BRINP3: variants seen among roughly 807,000 people sequenced by gnomAD.
The protein encoded by BRINP3 is BMP/retinoic acid inducible neural specific 3.
In BRINP3, 19 loss-of-function variants were observed where a neutral mutation model predicts 71.0. The observed-to-expected ratio is 0.27, with a 90% CI of 0.19 to 0.39. The LOEUF is 0.39. BRINP3 is among the 10% of genes least tolerant of loss of function. The pLI, the probability that BRINP3 is intolerant of heterozygous loss-of-function variation, is 1.00. For missense variants in BRINP3, 959 were observed against 940.8 expected, an observed-to-expected ratio of 1.02 and a Z score of -0.25; for synonymous variants, 380 against 337.7, an observed-to-expected ratio of 1.13 and a Z score of -1.37.
chr1:190,254,843 C>T (rs1660500210), intron 4 of BRINP3, among the ~76,000 whole-genome samples: 1 of 152,162 alleles, frequency 6.6e-6, no homozygotes, highest in African/African-American at 2.4e-5. Context: ...GCATCTCTGT[C>T]TTGTGCCTGT....
intron 2 of BRINP3, among the ~76,000 whole-genome samples, chr1:190,330,184 C>G (rs1666873225): frequency 6.6e-6 from 1 of 151,764 alleles, no homozygotes; most frequent in Non-Finnish European, 1.5e-5. Flanking sequence ...AAACGATCAA[C>G]AGAATAAATA....
Position 190,226,246 on chromosome 1 carries a change from T to G in BRINP3, c.797A>C (p.Asn266Thr), listed in dbSNP as rs761406886. 1 of 1,612,450 alleles carries G rather than the reference T, an allele frequency of 6.2e-7. No individual in the cohort carries two copies. ...CTTGCAGATAAACTCTCCCTCTGAA[T>G]TGCAAGCAATGTAGCTCAAAGCTGC... ...VQAALSYIACNSEGEFICKEN... is the reference protein window; with the variant it reads ...VQAALSYIACTSEGEFICKEN... The change falls in exon 6 of 8, where the codon AAT becomes ACT. Residue 266 changes from asparagine (N) to threonine (T), a missense_variant. By Grantham distance (65) the Asn-to-Thr change is moderately conservative. Coordinates refer to ENST00000367462, the MANE Select transcript of BRINP3 (RefSeq NM_199051.3).
At chr1:190,329,226 C>G (rs924203030) in intron 2 of BRINP3, among the ~76,000 whole-genome samples, 5 of 151,940 alleles carry the variant, frequency 3.3e-5, no homozygotes, top group African/African-American at 1.2e-4. Context: ...GAAAAGAAGT[C>G]AAACTACCTC....
intron 7 of BRINP3, among the ~76,000 whole-genome samples, chr1:190,143,875 G>A (rs1655661902): frequency 1.3e-5 from 2 of 152,108 alleles, no homozygotes; most frequent in Admixed American, 6.6e-5. Context: ...TTGGTAATCT[G>A]AAAGTTATGA....
rs941510603 is a variant in BRINP3, at chr1:190,357,473, T to A, written c.237-75723A>T. On this transcript the variant is annotated intron_variant, in intron 2 of 7. Coordinates refer to ENST00000367462, the MANE Select transcript of BRINP3 (RefSeq NM_199051.3). ...ACAGTTTGGGTGCTGAATTTATGGC[T>A]TTGGTATACTGCCGAATCTGTAGTC... is the stretch of plus-strand genomic sequence containing the variant. Among the ~76,000 whole-genome samples, 3 of 151,988 alleles carry A rather than the reference T, an allele frequency of 2.0e-5. 1 individual carries two copies. The highest frequency in any genetic ancestry group is 1.5e-5 in the Non-Finnish European group (1 of 68,004).
At chr1:190,160,481 C>T (rs1446572829) in intron 7 of BRINP3, among the ~76,000 whole-genome samples, 187 bp downstream of exon 7, 2 of 151,894 alleles carry the variant, frequency 1.3e-5, no homozygotes, top group Admixed American at 6.6e-5. Flanking sequence ...ATATTTTTCT[C>T]ATTGTACTAT....
intron 2 of BRINP3, among the ~76,000 whole-genome samples, chr1:190,371,621 G>T (rs192727863): frequency 1.3e-5 from 2 of 152,164 alleles, no homozygotes; most frequent in East Asian, 1.9e-4. Context: ...GGCTACAGGG[G>T]TATTCTTTTT....
At chr1:190,128,165 C>T (rs537426301) in intron 7 of BRINP3, among the ~76,000 whole-genome samples, 36 of 151,854 alleles carry the variant, frequency 2.4e-4, no homozygotes, top group Non-Finnish European at 4.4e-4. Context: ...TAAGTTACTT[C>T]TTTGAACTTC....
intron 7 of BRINP3, among the ~76,000 whole-genome samples, chr1:190,113,010 T>C (rs562621175): frequency 6.6e-6 from 1 of 152,234 alleles, no homozygotes; most frequent in South Asian, 2.1e-4. Flanking sequence ...GGTGAATGTA[T>C]AGTATGGATG....
intron 2 of BRINP3, among the ~76,000 whole-genome samples, chr1:190,282,129 T>C (rs950291347): frequency 2.0e-5 from 3 of 151,978 alleles, no homozygotes; most frequent in African/African-American, 7.2e-5. Context: ...GAATGATTTA[T>C]ATTCATCACC....
At chr1:190,331,473 T>A (rs537668166) in intron 2 of BRINP3, among the ~76,000 whole-genome samples, 1 of 152,162 alleles carries the variant, frequency 6.6e-6, no homozygotes, top group African/African-American at 2.4e-5. Flanking sequence ...TCATGCAGTG[T>A]ATGGTAGAGT....
chr1:190,153,691 A>T (rs1447346225), intron 7 of BRINP3, among the ~76,000 whole-genome samples: 2 of 152,130 alleles, frequency 1.3e-5, no homozygotes, highest in African/African-American at 2.4e-5. Flanking sequence ...TAAATCATAG[A>T]TTCTATAATA....
At chr1:190,157,888 T>G (rs1256465753) in intron 7 of BRINP3, among the ~76,000 whole-genome samples, 1 of 152,050 alleles carries the variant, frequency 6.6e-6, no homozygotes, top group Non-Finnish European at 1.5e-5. Context: ...AATGGTGGAC[T>G]GGATAAAAAA....
chr1:190,364,934 G>A (rs1340716868), intron 2 of BRINP3, among the ~76,000 whole-genome samples: 2 of 152,014 alleles, frequency 1.3e-5, no homozygotes, highest in Admixed American at 6.6e-5. Context: ...TTCCAAAAAG[G>A]AATTAACTCA....
At chr1:190,470,481 C>T (rs778354926) in intron 1 of BRINP3, among the ~76,000 whole-genome samples, 1 of 150,932 alleles carries the variant, frequency 6.6e-6, no homozygotes, top group Non-Finnish European at 1.5e-5. Flanking sequence ...GCTTTGGGTG[C>T]TTTTAAAGGC....
chr1:190,390,589 G>A (rs1185860279), intron 2 of BRINP3, among the ~76,000 whole-genome samples: 1 of 151,694 alleles, frequency 6.6e-6, no homozygotes, highest in African/African-American at 2.4e-5. Flanking sequence ...TAGAGGGTGT[G>A]AACTCTAATA....
intron 3 of BRINP3, among the ~76,000 whole-genome samples, chr1:190,276,498 T>G (rs1369951682): frequency 6.6e-6 from 1 of 151,568 alleles, no homozygotes; most frequent in African/African-American, 2.4e-5. Flanking sequence ...AAAATTATAA[T>G]TGATATTTTA....
chr1:190,242,088 T>C (rs1354865629), intron 4 of BRINP3, among the ~76,000 whole-genome samples: 1 of 151,850 alleles, frequency 6.6e-6, no homozygotes, highest in African/African-American at 2.4e-5. Context: ...TTTCTGAGCT[T>C]ATTTTTAGTA....
intron 4 of BRINP3, among the ~76,000 whole-genome samples, chr1:190,258,549 G>C (rs1660884434): frequency 6.6e-6 from 1 of 151,992 alleles, no homozygotes; most frequent in African/African-American, 2.4e-5. Context: ...GTAACTAAAA[G>C]TAAGGAAACT....
Sources: gnomAD v4.1 joint callset for allele counts (sites outside exome capture counted in the v4.1 genomes callset) on GRCh38, gnomAD v4.1.1 for gene constraint, MANE v1.5 for transcripts, NCBI Gene and HGNC (gene_info 2026-07-23, HGNC 2026-07-21) for gene names.